The following ANKH variants were observed in gnomAD, a reference collection of about 807,000 sequenced individuals.
ANKH encodes mineralization regulator ANKH.
ANKH carries 15 observed loss-of-function variants against 49.0 expected under a neutral mutation model. That is an observed-to-expected ratio of 0.31 (90% CI 0.20 to 0.47). The LOEUF (loss-of-function observed/expected upper bound fraction) is 0.47. ANKH is among the 20% of genes least tolerant of loss of function. The pLI is 1.00. For synonymous variants in ANKH, 273 were observed against 260.0 expected (o/e 1.05, Z -0.48); for missense variants, 429 against 652.0 (o/e 0.66, Z 3.72).
chr5:14,776,001 C>T (rs1739607659), intron 1 of ANKH, among the ~76,000 whole-genome samples: 1 of 152,160 alleles, frequency 6.6e-6, no homozygotes, highest in African/African-American at 2.4e-5. Context: ...GACTGGAGAG[C>T]TTGTGGGAAG....
chr5:14,810,399 T>A (rs1317705542), intron 1 of ANKH, among the ~76,000 whole-genome samples: 1 of 152,146 alleles, frequency 6.6e-6, no homozygotes, highest in African/African-American at 2.4e-5. Context: ...CCTCAGGTGA[T>A]CCGCCTGCCT....
chr5:14,711,747 C>T (rs1737215298), intron 11 of ANKH, among the ~76,000 whole-genome samples: 2 of 152,238 alleles, frequency 1.3e-5, no homozygotes, highest in South Asian at 4.1e-4. Flanking sequence ...CAGCTCCAGG[C>T]TTGCCGTCAT....
chr5:14,836,983 A>T (rs1741674474), intron 1 of ANKH, among the ~76,000 whole-genome samples: 1 of 152,224 alleles, frequency 6.6e-6, no homozygotes, highest in Non-Finnish European at 1.5e-5. Flanking sequence ...CAACCATCTG[A>T]TCTTTGACAA....
intron 5 of ANKH, among the ~76,000 whole-genome samples, chr5:14,750,563 G>A (rs144106498): frequency 0.019 from 2,897 of 152,202 alleles, 56 homozygotes; most frequent in Non-Finnish European, 0.025. Context: ...TGAGGGTAGC[G>A]ACCATATCTT....
chr5:14,856,954 T>C (rs1370469965), intron 1 of ANKH, among the ~76,000 whole-genome samples: 3 of 152,150 alleles, frequency 2.0e-5, no homozygotes, highest in Non-Finnish European at 4.4e-5. Flanking sequence ...TTCCCACCCA[T>C]ATGTTCACAG....
rs766619506 is a variant in ANKH at position 14,713,521 on chromosome 5, C to A, written c.1265+23G>T. The A allele has an allele frequency of 6.2e-7, 1 of 1,613,712 alleles. No homozygotes were observed. Among genetic ancestry groups the A allele is most frequent in the Admixed American group, 1.7e-5 (1 of 59,962 alleles). ...ATTGAAGTGGCAGAAGGACCCACAG[C>A]CCCAAACTCCCTGACAACATACCCC... On this transcript the variant is annotated intron_variant, in intron 10 of 11. Transcript: ENST00000284268. The surrounding 1 kb of genome is among the most constrained non-coding windows in gnomAD (Gnocchi z 4.4).
chr5:14,727,209 A>C (rs772907612), intron 8 of ANKH, among the ~76,000 whole-genome samples: 4 of 152,208 alleles, frequency 2.6e-5, no homozygotes, highest in Non-Finnish European at 5.9e-5. Context: ...CAAAGTGTTT[A>C]TGTAGAATTT....
chr5:14,758,835 T>TA (rs1738985295), intron 2 of ANKH, among the ~76,000 whole-genome samples: 1 of 152,372 alleles, frequency 6.6e-6, no homozygotes. Flanking sequence ...TGTTTTAACG[T>TA]AAAAACGAGA....
intron 1 of ANKH, among the ~76,000 whole-genome samples, chr5:14,840,498 A>C (rs1415968275): frequency 2.0e-5 from 3 of 152,230 alleles, no homozygotes; most frequent in African/African-American, 7.2e-5. Flanking sequence ...TCTGATGTTT[A>C]GAATCTGGAT....
intron 1 of ANKH, among the ~76,000 whole-genome samples, chr5:14,779,768 T>G (rs1019176175): frequency 6.6e-6 from 1 of 152,234 alleles, no homozygotes; most frequent in Non-Finnish European, 1.5e-5. Context: ...CATGTAGTTC[T>G]GATCGTTTCT....
intron 1 of ANKH, among the ~76,000 whole-genome samples, chr5:14,808,933 C>A (rs1434236398): frequency 1.2e-4 from 11 of 90,708 alleles, no homozygotes; most frequent in Admixed American, 2.7e-4. Flanking sequence ...TGGAACCAAC[C>A]CAAATGTCCA....
At chr5:14,767,324 A>G (rs180894983) in intron 2 of ANKH, among the ~76,000 whole-genome samples, 4 of 152,346 alleles carry the variant, frequency 2.6e-5, no homozygotes, top group Admixed American at 2.0e-4. Flanking sequence ...AAAAGGGTAC[A>G]TCATTAAGAT....
chr5:14,712,980 A>G lies in ANKH; in HGVS notation c.1266-7T>C. 6.2e-7 allele frequency: 1 copy of G among 1,610,766 alleles called. No homozygotes were observed. The highest frequency in any genetic ancestry group is 1.3e-5 in the African/African-American group (1 of 75,034). The stretch of plus-strand genomic sequence containing the variant: ...CAGGGTCGCACCGTGCACCCTGCAG[A>G]TGAGAACACAAAGGCAATTTGTCTG... On this transcript the variant is annotated splice_polypyrimidine_tract_variant and splice_region_variant and intron_variant, in intron 10 of 11. Coordinates refer to ENST00000284268, the MANE Select transcript of ANKH (RefSeq NM_054027.6).
Position 14,711,250 on chromosome 5 carries a change from G to A in ANKH, c.1426C>T (p.Pro476Ser). The change falls in exon 12 of 12, where the codon CCT (proline) becomes TCT (serine). Residue 476 changes from proline (P) to serine (S), a missense_variant. This residue lies in a region of ANKH where 51 missense variants were observed against 36.7 expected (regional missense o/e 1.39). Coordinates refer to ENST00000284268, the MANE Select transcript of ANKH (RefSeq NM_054027.6). The stretch of plus-strand genomic sequence containing the variant: ...ATGTCTGTCACCTCCTCTGTCGGAG[G>A]CATGTCTGTCATGGCAGAGTCTTCC... ...EGEDSAMTDM[P>S]PTEEVTDIVE... The A allele has an allele frequency of 6.2e-7, 1 of 1,614,024 alleles. No homozygotes were observed. The highest frequency in any genetic ancestry group is 8.5e-7 in the Non-Finnish European group (1 of 1,180,014).
At chr5:14,753,719 G>T (rs1167132684) in intron 4 of ANKH, among the ~76,000 whole-genome samples, 1 of 151,556 alleles carries the variant, frequency 6.6e-6, no homozygotes, top group Non-Finnish European at 1.5e-5. Context: ...TGACGGCAAA[G>T]AAAAGCACTG....
intron 1 of ANKH, among the ~76,000 whole-genome samples, chr5:14,856,635 G>A (rs114123968): frequency 0.014 from 1,405 of 102,586 alleles, 10 homozygotes; most frequent in African/African-American, 0.049. Context: ...CCTTTTCTCC[G>A]ATACAGACTC....
intron 1 of ANKH, chr5:14,798,350 G>C: frequency 1.3e-6 from 2 of 1,561,818 alleles, no homozygotes; most frequent in Non-Finnish European, 1.8e-6. Flanking sequence ...ATTCCTTGTT[G>C]ATCACTCATT....
At chr5:14,807,811 T>C (rs1331922311) in intron 1 of ANKH, among the ~76,000 whole-genome samples, 1 of 152,210 alleles carries the variant, frequency 6.6e-6, no homozygotes, top group Admixed American at 6.5e-5. Context: ...CATGATCTTT[T>C]ATTTTGCCCT....
intron 8 of ANKH, among the ~76,000 whole-genome samples, chr5:14,724,791 C>T (rs1480462398): frequency 1.3e-5 from 2 of 152,122 alleles, no homozygotes; most frequent in Non-Finnish European, 2.9e-5. Flanking sequence ...GTGGGACGGC[C>T]GTTTCTGTGT....
Sources: allele counts gnomAD v4.1 joint callset (sites outside exome capture counted in the v4.1 genomes callset), GRCh38; gene constraint gnomAD v4.1.1; regional missense constraint gnomAD v4.1.1; non-coding constraint Gnocchi (gnomAD v3.1); transcripts MANE v1.5; gene names NCBI Gene and HGNC (gene_info 2026-07-23, HGNC 2026-07-21).